The following NRXN3 variants were observed in gnomAD, a reference collection of about 807,000 sequenced individuals.
The protein encoded by NRXN3 is neurexin III.
Under a neutral mutation model 137.6 loss-of-function variants are expected in NRXN3, and 32 were observed. The observed-to-expected ratio is 0.23, with a 90% CI of 0.18 to 0.31. NRXN3 has a LOEUF of 0.31. Ranked by LOEUF, NRXN3 falls within the 10% of genes least tolerant of loss-of-function variation. NRXN3 has a pLI of 1.00. For synonymous variants in NRXN3, 798 were observed against 784.5 expected, an observed-to-expected ratio of 1.02 and a Z score of -0.29; for missense variants, 1,574 against 2,062.5, an observed-to-expected ratio of 0.76 and a Z score of 4.59.
chr14:79,534,504 A>C (rs1404270565), intron 16 of NRXN3, among the ~76,000 whole-genome samples: 1 of 152,042 alleles, frequency 6.6e-6, no homozygotes, highest in Non-Finnish European at 1.5e-5. Context: ...ATTCTATTTG[A>C]ATGACTTAAC....
At chr14:78,913,112 T>C (rs1423996951) in intron 10 of NRXN3, among the ~76,000 whole-genome samples, 1 of 152,040 alleles carries the variant, frequency 6.6e-6, no homozygotes, top group East Asian at 1.9e-4. Flanking sequence ...GTTACAATCT[T>C]GATAAGATCT....
At chr14:79,114,135 A>G (rs1020029633) in intron 15 of NRXN3, among the ~76,000 whole-genome samples, 1 of 152,082 alleles carries the variant, frequency 6.6e-6, no homozygotes, top group Non-Finnish European at 1.5e-5. Flanking sequence ...ATGTCTGGAG[A>G]TGTGTTTAGT....
chr14:78,854,758 G>C (rs2099052134), intron 10 of NRXN3, among the ~76,000 whole-genome samples: 1 of 152,122 alleles, frequency 6.6e-6, no homozygotes, highest in Non-Finnish European at 1.5e-5. Flanking sequence ...GCCTACATTA[G>C]TTAGAATGGG....
intron 15 of NRXN3, among the ~76,000 whole-genome samples, chr14:79,108,040 T>C (rs1301103394): frequency 1.3e-5 from 2 of 152,156 alleles, no homozygotes; most frequent in South Asian, 4.1e-4. Context: ...TTAGGAACTA[T>C]ATGTGAAGGT....
At chr14:78,897,482 A>G (rs964980265) in intron 10 of NRXN3, among the ~76,000 whole-genome samples, 8 of 151,868 alleles carry the variant, frequency 5.3e-5, no homozygotes, top group African/African-American at 7.2e-5. Context: ...GAATTGATTC[A>G]GAGGACAAAG....
At chr14:79,188,573 A>G (rs28450317) in intron 15 of NRXN3, among the ~76,000 whole-genome samples, 6,868 of 152,264 alleles carry the variant, frequency 0.045, 549 homozygotes, top group African/African-American at 0.16. Context: ...TGAGCCAAGT[A>G]ACTTCAAACT....
intron 15 of NRXN3, among the ~76,000 whole-genome samples, chr14:79,086,362 C>CTCTACTTG (rs2048100053): frequency 2.0e-5 from 3 of 152,114 alleles, no homozygotes; most frequent in Non-Finnish European, 4.4e-5. Flanking sequence ...ACTAGGCCAT[C>CTCTACTTG]CCTCGCTTTA....
At chr14:78,436,580 T>C (rs1157266460) in intron 4 of NRXN3, among the ~76,000 whole-genome samples, 3 of 152,228 alleles carry the variant, frequency 2.0e-5, no homozygotes. Context: ...TCCTTGCTTT[T>C]AGCAAGGAAG....
chr14:78,912,914 A>G (rs1224830121), intron 10 of NRXN3, among the ~76,000 whole-genome samples: 1 of 152,178 alleles, frequency 6.6e-6, no homozygotes, highest in African/African-American at 2.4e-5. Context: ...AACTGACTTT[A>G]TTGGATGTCT....
At chr14:79,054,055 C>T (rs1032222307) in intron 15 of NRXN3, among the ~76,000 whole-genome samples, 8 of 149,956 alleles carry the variant, frequency 5.3e-5, no homozygotes, top group African/African-American at 7.4e-5. Context: ...CAAACTATCG[C>T]AAGGACAAAA....
At chr14:78,273,897 T>C (rs2073176365) in intron 2 of NRXN3, among the ~76,000 whole-genome samples, 1 of 152,152 alleles carries the variant, frequency 6.6e-6, no homozygotes, top group Non-Finnish European at 1.5e-5. Context: ...TTCTATTTTC[T>C]CTCCTAGAAA....
chr14:78,517,532 G>A (rs1028527231), intron 4 of NRXN3, among the ~76,000 whole-genome samples: 1 of 152,124 alleles, frequency 6.6e-6, no homozygotes, highest in African/African-American at 2.4e-5. Context: ...AAGCCCATAT[G>A]CTATCTTCAG....
At chr14:78,752,470 T>C (rs1217550037) in intron 8 of NRXN3, among the ~76,000 whole-genome samples, 1 of 152,232 alleles carries the variant, frequency 6.6e-6, no homozygotes, top group Admixed American at 6.5e-5. Context: ...TGGACACATT[T>C]AGAACCTATG....
At chr14:79,854,857 T>G (rs918943478) in intron 20 of NRXN3, among the ~76,000 whole-genome samples, 1 of 152,206 alleles carries the variant, frequency 6.6e-6, no homozygotes, top group Non-Finnish European at 1.5e-5. Flanking sequence ...GATCATACTC[T>G]CACTTTTGCT....
chr14:79,470,943 AGAGAGAGAGTGTGTGTGTGT>A lies in NRXN3; in HGVS notation c.3444+3543_3444+3562del, dbSNP rs1567214384. Among the ~76,000 whole-genome samples, 766 of 89,032 alleles carry A rather than the reference AGAGAGAGAGTGTGTGTGTGT, an allele frequency of 8.6e-3. 11 individuals are homozygous for A. Among genetic ancestry groups the A allele is most frequent in the African/African-American group, 0.034 (736 of 21,920 alleles). The allele number at this position is 89,032 out of a possible 152,430, so 58.4% of individuals were successfully genotyped here. Reference sequence around the variant, plus strand: ...GTGAGAGAGAGAGAGAGAGAGAAAGAGAGAGAGAGTGTGTGTGTGTGTGTGTGTGTGTGTGTGTGTGTGTG... The same window carrying A: ...GTGAGAGAGAGAGAGAGAGAGAAAGAGTGTGTGTGTGTGTGTGTGTGTGTG... On this transcript the variant is annotated intron_variant, in intron 16 of 20. Coordinates refer to ENST00000335750, the MANE Select transcript of NRXN3 (RefSeq NM_001330195.2).
At chr14:79,020,521 T>C (rs2099587840) in intron 15 of NRXN3, among the ~76,000 whole-genome samples, 1 of 150,566 alleles carries the variant, frequency 6.6e-6, no homozygotes, top group African/African-American at 2.5e-5. Flanking sequence ...TGCCTCTGCC[T>C]CCCAAAGTGC....
At chr14:78,173,304 AAAAG>A (rs1474937316) in intron 1 of NRXN3, among the ~76,000 whole-genome samples, 1 of 151,928 alleles carries the variant, frequency 6.6e-6, no homozygotes, top group Non-Finnish European at 1.5e-5. Context: ...TTAGAGAAAA[AAAAG>A]AGAGAGGGAA....
chr14:78,617,020 A>C (rs1415850913), intron 4 of NRXN3, among the ~76,000 whole-genome samples: 1 of 152,286 alleles, frequency 6.6e-6, no homozygotes, highest in Non-Finnish European at 1.5e-5. Flanking sequence ...CCCCCACTGC[A>C]CTAACCTAAA....
intron 20 of NRXN3, among the ~76,000 whole-genome samples, chr14:79,852,186 T>C (rs2099392841): frequency 6.6e-6 from 1 of 151,370 alleles, no homozygotes; most frequent in Non-Finnish European, 1.5e-5. Flanking sequence ...TGAACCCATA[T>C]GTATTTTGAT....
Sources: allele counts gnomAD v4.1 joint callset (sites outside exome capture counted in the v4.1 genomes callset), GRCh38; gene constraint gnomAD v4.1.1; transcripts MANE v1.5; gene names NCBI Gene and HGNC (gene_info 2026-07-23, HGNC 2026-07-21).